IVD: variants seen among roughly 807,000 people sequenced by gnomAD.
IVD encodes the protein isovaleryl-CoA dehydrogenase.
A neutral mutation model predicts 51.3 loss-of-function variants in IVD; 31 were observed. The ratio of observed to expected loss-of-function variants is 0.60; its 90% CI spans 0.45 to 0.81. IVD has a LOEUF of 0.81. IVD is among the 40% of genes least tolerant of loss of function. The pLI is 0.00. For synonymous variants in IVD, 205 were observed against 219.4 expected (o/e 0.93, Z 0.58); for missense variants, 475 against 552.0 (o/e 0.86, Z 1.40).
rs762088213 is a variant in IVD, at chr15:40,407,738, G to A, written c.234+13G>A. The A allele has an allele frequency of 3.3e-5, 53 of 1,608,906 alleles. No individual in the cohort carries two copies. The highest frequency in any genetic ancestry group is 3.6e-5 in the Non-Finnish European group (42 of 1,175,550). On this transcript the variant is annotated intron_variant, in intron 2 of 11. Coordinates refer to ENST00000487418, the MANE Select transcript of IVD (RefSeq NM_002225.5). ...CAAGAACCTGCGAGTGAGTTGGGAG[G>A]TCCGGGCAGTCGGGGGCAGTCAGGG... is the stretch of plus-strand genomic sequence containing the variant.
At position 40,411,653 on chromosome 15, in the gene IVD, CCAGCTTCTCGGGGCATCA is replaced by C. The variant is rs1459319268; in HGVS notation, c.654_671del (p.Ser219_Ala224del). 1 of 1,614,202 alleles carries C rather than the reference CCAGCTTCTCGGGGCATCA, an allele frequency of 6.2e-7. No homozygotes were observed. Among genetic ancestry groups the C allele is most frequent in the African/African-American group, 1.3e-5 (1 of 75,046 alleles). Reference sequence around the variant, plus strand: ...TGCCAAGACAGATCTGGCTGCTGTGCCAGCTTCTCGGGGCATCACAGCCTTCATTGTGGAGAAGGTGAG... The same window carrying C: ...TGCCAAGACAGATCTGGCTGCTGTGCCAGCCTTCATTGTGGAGAAGGTGAG... On this transcript the variant is annotated inframe_deletion, in exon 6 of 12. Coordinates refer to ENST00000487418, the MANE Select transcript of IVD (RefSeq NM_002225.5).
intron 7 of IVD, among the ~76,000 whole-genome samples, chr15:40,432,240 G>A (rs1392441098): frequency 6.6e-6 from 1 of 152,176 alleles, no homozygotes; most frequent in Non-Finnish European, 1.5e-5. Flanking sequence ...CACTGCGCCT[G>A]GCCTATCATA....
intron 7 of IVD, chr15:40,414,666 T>C (rs1891452181): frequency 1.7e-6 from 1 of 585,278 alleles, no homozygotes; most frequent in Non-Finnish European, 3.0e-6. Context: ...CTCTAGCCTT[T>C]GTGGTTGGCC....
At chr15:40,428,405 C>A (rs139670126), downstream of IVD, among the ~76,000 whole-genome samples, 1 of 152,090 alleles carries the variant, frequency 6.6e-6, no homozygotes, top group South Asian at 2.1e-4. Context: ...GCAAAGTATA[C>A]TCTACGGTCC....
At chr15:40,433,430 A>G (rs1893091959) in intron 7 of IVD, among the ~76,000 whole-genome samples, 1 of 152,182 alleles carries the variant, frequency 6.6e-6, no homozygotes, top group South Asian at 2.1e-4. Flanking sequence ...TACACTGCCC[A>G]TTCCAGATCT....
intron 6 of IVD, 190 bp from the exon 7 acceptor site, chr15:40,412,801 G>C (rs1207139118): frequency 3.3e-6 from 2 of 597,254 alleles, no homozygotes; most frequent in Non-Finnish European, 6.0e-6. Context: ...TAGTGGCAGA[G>C]GAGGCTGGGA....
chr15:40,420,826 T>C lies in IVD; in HGVS notation c.*2563T>C. The C allele has an allele frequency of 5.1e-6, 5 of 985,566 alleles. No homozygotes were observed. The highest frequency in any genetic ancestry group is 6.0e-6 in the Non-Finnish European group (5 of 829,998). The allele number at this position is 985,566 out of a possible 1,614,324, so 61.1% of individuals were successfully genotyped here. On this transcript the variant is annotated 3_prime_UTR_variant, in exon 12 of 12. Coordinates refer to ENST00000487418, the MANE Select transcript of IVD (RefSeq NM_002225.5). ...TGAGAATTCCAGCTTTGGGCCGCACTGTACAGCAGTCTGGATAGAGTGTGA... is the reference window on the plus strand; with the variant it reads ...TGAGAATTCCAGCTTTGGGCCGCACCGTACAGCAGTCTGGATAGAGTGTGA...
chr15:40,431,607 A>T (rs904090326), intron 7 of IVD, among the ~76,000 whole-genome samples: 2 of 152,022 alleles, frequency 1.3e-5, no homozygotes, highest in East Asian at 3.9e-4. Flanking sequence ...AGGCAGGAGA[A>T]TGGTGTGAAC....
intron 2 of IVD, 80 bp downstream of exon 2, chr15:40,407,805 G>A: frequency 6.8e-7 from 1 of 1,460,554 alleles, no homozygotes; most frequent in East Asian, 2.3e-5. Flanking sequence ...AGCTCACACA[G>A]TTTTCTGGTA....
chr15:40,433,339 C>T (rs984232869), intron 7 of IVD, among the ~76,000 whole-genome samples: 1 of 152,094 alleles, frequency 6.6e-6, no homozygotes, highest in African/African-American at 2.4e-5. Context: ...AATAAAGAAA[C>T]GTATGTTGAG....
exon 8 of IVD, chr15:40,433,878 T>C (rs1893121099): frequency 2.2e-6 from 1 of 456,744 alleles, no homozygotes; most frequent in South Asian, 1.5e-5. Flanking sequence ...TCTTGGAGTG[T>C]GTTCAGTAAA....
chr15:40,434,292 T>C (rs145836052), intron 8 of IVD, among the ~76,000 whole-genome samples: 2,054 of 152,348 alleles, frequency 0.013, 38 homozygotes, highest in African/African-American at 0.047. Flanking sequence ...TTAATCTTTT[T>C]TGAAAGCCCC....
At chr15:40,414,165 A>G (rs1269010959) in intron 7 of IVD, among the ~76,000 whole-genome samples, 1 of 152,172 alleles carries the variant, frequency 6.6e-6, no homozygotes, top group African/African-American at 2.4e-5. Context: ...GGCCAGGGGC[A>G]TGGATTTGAT....
In IVD at chr15:40,418,171, C is replaced by T; in HGVS notation, c.1180C>T (p.Leu394Phe). ...CAATGACTTTCCCATGGGCCGCTTT[C>T]TTCGAGATGCCAAGCTGTATGAGAT... is the stretch of plus-strand genomic sequence containing the variant. ...YINDFPMGRF[L>F]RDAKLYEIGA... is the part of the protein sequence containing the mutation. Residue 394 changes from leucine to phenylalanine, a missense_variant, in exon 12 of 12, where the codon CTT becomes TTT. Leu to Phe is a conservative substitution (Grantham distance 22). Coordinates refer to ENST00000487418, the MANE Select transcript of IVD (RefSeq NM_002225.5). 6.2e-7 allele frequency: 1 copy of T among 1,614,226 alleles called. No homozygotes were observed. Among genetic ancestry groups the T allele is most frequent in the Non-Finnish European group, 8.5e-7 (1 of 1,180,034 alleles).
rs1053209879 is a variant in IVD, at chr15:40,420,968, A to G, written c.*2705A>G. 6 of 985,518 alleles carry G rather than the reference A, an allele frequency of 6.1e-6. No homozygotes were observed. The highest frequency in any genetic ancestry group is 5.2e-4 in the Middle Eastern group (1 of 1,914). 61.0% of individuals were successfully genotyped at this position (985,518 alleles called of 1,614,324 possible). The stretch of plus-strand genomic sequence containing the variant: ...ATCCTGGCTCTTGGTCCTGGCCTGC[A>G]GCCAAGTGCTGTTCCTAGCCTGAGG... On this transcript the variant is annotated 3_prime_UTR_variant, in exon 12 of 12. Coordinates refer to ENST00000487418, the MANE Select transcript of IVD (RefSeq NM_002225.5).
At chr15:40,424,162 C>T (rs1892531668), downstream of IVD, 2 of 1,288,178 alleles carry the variant, frequency 1.6e-6, no homozygotes, top group Non-Finnish European at 2.0e-6. Context: ...TTCCTCTACA[C>T]TGAACCAGTG....
Position 40,420,951 on chromosome 15 carries a change from T to C in IVD, c.*2688T>C, listed in dbSNP as rs1892245184. ...TCAGCCCAGCAGCACCTATCCTGGCTCTTGGTCCTGGCCTGCAGCCAAGTG... is the reference window on the plus strand; with the variant it reads ...TCAGCCCAGCAGCACCTATCCTGGCCCTTGGTCCTGGCCTGCAGCCAAGTG... On this transcript the variant is annotated 3_prime_UTR_variant, in exon 12 of 12. Coordinates refer to ENST00000487418, the MANE Select transcript of IVD (RefSeq NM_002225.5). 2 of 985,510 alleles carry C rather than the reference T, an allele frequency of 2.0e-6. No homozygotes were observed. Among genetic ancestry groups the C allele is most frequent in the South Asian group, 4.7e-5 (1 of 21,288 alleles). The allele number at this position is 985,510 out of a possible 1,614,324, so 61.0% of individuals were successfully genotyped here.
At chr15:40,427,833 C>A (rs989378467), downstream of IVD, among the ~76,000 whole-genome samples, 45 of 152,210 alleles carry the variant, frequency 3.0e-4, no homozygotes, top group African/African-American at 1.0e-3. Flanking sequence ...TTTCCAGAAG[C>A]CCACCAGTGG....
intron 11 of IVD, 54 bp downstream of exon 11, chr15:40,416,416 G>A: frequency 6.4e-7 from 1 of 1,558,760 alleles, no homozygotes; most frequent in Non-Finnish European, 8.8e-7. Flanking sequence ...GGGGCCTGTG[G>A]CTGCTTCAGA....
Sources: gnomAD v4.1 joint callset for allele counts (sites outside exome capture counted in the v4.1 genomes callset) on GRCh38, gnomAD v4.1.1 for gene constraint, MANE v1.5 for transcripts, NCBI Gene and HGNC (gene_info 2026-07-23, HGNC 2026-07-21) for gene names.